Variants in IQSEC1 observed in about 807,000 individuals in gnomAD.
IQSEC1 encodes IQ motif and Sec7 domain ArfGEF 1.
In IQSEC1, 31 loss-of-function variants were observed where a neutral mutation model predicts 91.0. The ratio of observed to expected loss-of-function variants is 0.34; its 90% CI spans 0.26 to 0.46. The LOEUF is 0.46. Ranked by LOEUF, IQSEC1 falls within the 20% of genes least tolerant of loss-of-function variation. IQSEC1 has a pLI of 1.00. For synonymous variants in IQSEC1, 699 were observed against 662.6 expected (o/e 1.05, Z -0.84); for missense variants, 1,388 against 1,575.6 (o/e 0.88, Z 2.02).
intron 2 of IQSEC1, among the ~76,000 whole-genome samples, chr3:13,082,301 G>A (rs1705658150): frequency 6.6e-6 from 1 of 152,206 alleles, no homozygotes; most frequent in African/African-American, 2.4e-5. Context: ...GCACACCGCT[G>A]GGCACACACA....
chr3:13,261,408 G>A (rs1695383744), intron 1 of IQSEC1, among the ~76,000 whole-genome samples: 1 of 152,180 alleles, frequency 6.6e-6, no homozygotes, highest in African/African-American at 2.4e-5. Context: ...ACCACGCCAT[G>A]CCCCTCGATG....
At chr3:12,939,730 G>C (rs1288570632) in intron 2 of IQSEC1, among the ~76,000 whole-genome samples, 1 of 152,110 alleles carries the variant, frequency 6.6e-6, no homozygotes, top group East Asian at 1.9e-4. Flanking sequence ...CTCTTCCTGG[G>C]ACAGCCAGCT....
At chr3:13,047,096 T>C (rs1156304277) in intron 1 of IQSEC1, among the ~76,000 whole-genome samples, 1 of 152,130 alleles carries the variant, frequency 6.6e-6, no homozygotes, top group African/African-American at 2.4e-5. Flanking sequence ...GCTTCTCCCC[T>C]GGGCTGCAGC....
At chr3:13,236,612 TC>T (rs1307383545) in intron 1 of IQSEC1, among the ~76,000 whole-genome samples, 1 of 151,930 alleles carries the variant, frequency 6.6e-6, no homozygotes. Context: ...GAGCCAACCA[TC>T]CCCTCCACCT....
At chr3:13,055,531 G>A (rs1304859271) in intron 1 of IQSEC1, among the ~76,000 whole-genome samples, 1 of 152,164 alleles carries the variant, frequency 6.6e-6, no homozygotes, top group African/African-American at 2.4e-5. Context: ...ATGTGAAAAC[G>A]GAGGCACCTA....
rs779839112 is a variant in IQSEC1, at chr3:13,103,361, A to G, written c.303-55839T>C. ...CCCCGCCAACACACCCGAGGCACCA[A>G]TAGATCACCCTCTCCCCTCCACCTC... On this transcript the variant is annotated intron_variant, in intron 2 of 15. Coordinates refer to the IQSEC1 transcript ENST00000648114. This position sits in a 1 kb window ranked among gnomAD's most constrained non-coding sequence, Gnocchi z 4.1. 1.3e-5 allele frequency among the ~76,000 whole-genome samples: 2 copies of G among 151,916 alleles called. No individual in the cohort carries two copies. Among genetic ancestry groups the G allele is most frequent in the African/African-American group, 2.4e-5 (1 of 41,330 alleles).
intron 1 of IQSEC1, among the ~76,000 whole-genome samples, chr3:13,180,686 CTG>C (rs1693825958): frequency 6.9e-6 from 1 of 144,982 alleles, no homozygotes; most frequent in African/African-American, 2.9e-5. Context: ...CTGCGAAGGT[CTG>C]CAGCTTCACT....
intron 1 of IQSEC1, among the ~76,000 whole-genome samples, chr3:13,203,329 C>G (rs1177850665): frequency 1.3e-5 from 2 of 152,208 alleles, no homozygotes; most frequent in Admixed American, 1.3e-4. Context: ...TTCTTGGAAG[C>G]TGCACGGCCC....
chr3:12,904,033 A>G (rs1271959970), intron 12 of IQSEC1, among the ~76,000 whole-genome samples: 1 of 152,348 alleles, frequency 6.6e-6, no homozygotes, highest in Admixed American at 6.5e-5. Context: ...GCCTGGAAGA[A>G]GGAAGCAACT....
At chr3:12,949,212 C>T (rs1180182330) in intron 1 of IQSEC1, among the ~76,000 whole-genome samples, 1 of 152,216 alleles carries the variant, frequency 6.6e-6, no homozygotes, top group Admixed American at 6.5e-5. Flanking sequence ...GAAAAGCATG[C>T]TGCTGGCAGC....
intron 3 of IQSEC1, among the ~76,000 whole-genome samples, chr3:12,932,578 T>C (rs936834458): frequency 2.6e-5 from 4 of 152,194 alleles, no homozygotes; most frequent in African/African-American, 7.2e-5. Context: ...CAATGCCTGT[T>C]TGGGTCTTCC....
chr3:13,199,593 C>A (rs900977171), intron 1 of IQSEC1, among the ~76,000 whole-genome samples: 3 of 152,196 alleles, frequency 2.0e-5, no homozygotes, highest in African/African-American at 7.2e-5. Context: ...CCGACCAAGG[C>A]CAGCCCCGCG....
intron 1 of IQSEC1, among the ~76,000 whole-genome samples, chr3:13,260,925 C>A (rs1359680034): frequency 2.6e-5 from 4 of 152,180 alleles, no homozygotes; most frequent in Admixed American, 1.3e-4. Flanking sequence ...AGTGCAGAGG[C>A]CACCCAGCCC....
chr3:13,171,800 C>A (rs1693620304), intron 1 of IQSEC1, among the ~76,000 whole-genome samples: 1 of 152,160 alleles, frequency 6.6e-6, no homozygotes, highest in African/African-American at 2.4e-5. Context: ...GGGGTCCCAG[C>A]CTGGTCTGAC....
chr3:13,252,406 T>C (rs71306050), intron 1 of IQSEC1, among the ~76,000 whole-genome samples: 12,564 of 152,290 alleles, frequency 0.083, 1,073 homozygotes, highest in African/African-American at 0.22. Flanking sequence ...CATATTCCAC[T>C]GTGTGCATAG....
intron 1 of IQSEC1, among the ~76,000 whole-genome samples, chr3:13,030,025 A>C (rs1703785223): frequency 6.6e-6 from 1 of 152,134 alleles, no homozygotes; most frequent in Non-Finnish European, 1.5e-5. Flanking sequence ...ACTGGTCTTG[A>C]ACTCCTGGCC....
At chr3:13,007,830 C>T (rs1702702438) in intron 1 of IQSEC1, among the ~76,000 whole-genome samples, 1 of 152,186 alleles carries the variant, frequency 6.6e-6, no homozygotes, top group South Asian at 2.1e-4. Flanking sequence ...GCCATCCCTC[C>T]CTGTCTCTGG....
At position 13,172,682 on chromosome 3, in the gene IQSEC1, T is replaced by C. The variant is rs371472342; in HGVS notation, c.273-8549A>G. ...CAAAGGGTTCCCTTCGAATTGGACA[T>C]TGCCATTGTCCCCTGGGTGCAGATG... is the stretch of plus-strand genomic sequence containing the variant. On this transcript the variant is annotated intron_variant, in intron 1 of 15. Coordinates refer to the IQSEC1 transcript ENST00000648114. Among the ~76,000 whole-genome samples, 80 of 152,312 alleles carry C rather than the reference T, an allele frequency of 5.3e-4. 4 individuals carry two copies. The South Asian group carries it at 0.011, about 21-fold the overall frequency.
intron 1 of IQSEC1, among the ~76,000 whole-genome samples, chr3:13,265,547 C>T (rs1695473360): frequency 1.3e-5 from 2 of 152,308 alleles, no homozygotes; most frequent in South Asian, 4.1e-4. Flanking sequence ...TTTCTTCTCT[C>T]ATGCAGGAGT....
Sources: gnomAD v4.1 joint callset for allele counts (sites outside exome capture counted in the v4.1 genomes callset) on GRCh38, gnomAD v4.1.1 for gene constraint, Gnocchi (gnomAD v3.1) non-coding constraint, MANE v1.5 for transcripts, NCBI Gene and HGNC (gene_info 2026-07-23, HGNC 2026-07-21) for gene names.